IL1RAPL1: variants seen among roughly 807,000 people sequenced by gnomAD.
IL1RAPL1 encodes interleukin-1 receptor accessory protein-like 1.
Under a neutral mutation model 48.4 loss-of-function variants are expected in IL1RAPL1, and 3 were observed. That is an observed-to-expected ratio of 0.06 (90% CI 0.03 to 0.16). The LOEUF (loss-of-function observed/expected upper bound fraction) is 0.16. Ranked by LOEUF, IL1RAPL1 falls within the 10% of genes least tolerant of loss-of-function variation. The pLI is 1.00. For synonymous variants in IL1RAPL1, 185 were observed against 187.7 expected (o/e 0.99, Z 0.12); for missense variants, 349 against 530.6 (o/e 0.66, Z 3.36).
chrX:29,098,613 C>T (rs940745241), intron 2 of IL1RAPL1, among the ~76,000 whole-genome samples: 7 of 111,726 alleles, frequency 6.3e-5, no homozygotes, highest in Non-Finnish European at 1.3e-4. Context: ...TCAGCCTCTA[C>T]CCTAGGCCTT....
chrX:29,516,888 A>G (rs1935451827), intron 5 of IL1RAPL1, among the ~76,000 whole-genome samples: 1 of 111,729 alleles, frequency 9.0e-6, no homozygotes, highest in Non-Finnish European at 1.9e-5. Context: ...CAATTTACAT[A>G]GCCACAAGCA....
chrX:29,322,187 TTC>T (rs1158296895), intron 3 of IL1RAPL1, among the ~76,000 whole-genome samples: 1 of 110,371 alleles, frequency 9.1e-6, no homozygotes, highest in Non-Finnish European at 1.9e-5. Flanking sequence ...TCTCTTTTCT[TTC>T]TCTTTTTTTC....
intron 2 of IL1RAPL1, among the ~76,000 whole-genome samples, chrX:28,813,858 T>A (rs1936823446): frequency 9.0e-6 from 1 of 110,981 alleles, no homozygotes; most frequent in South Asian, 3.7e-4. Context: ...AAACTAAAAC[T>A]CCAGCTTGCC....
chrX:28,663,935 C>G (rs943834454), intron 1 of IL1RAPL1, among the ~76,000 whole-genome samples: 18 of 112,423 alleles, frequency 1.6e-4, no homozygotes, highest in African/African-American at 5.5e-4. Flanking sequence ...CAGTTTAGCA[C>G]TTCAAGTACA....
chrX:29,807,364 C>T (rs1930277987), intron 6 of IL1RAPL1, among the ~76,000 whole-genome samples: 1 of 109,203 alleles, frequency 9.2e-6, no homozygotes, highest in Admixed American at 9.9e-5. Flanking sequence ...CCTGTAATCC[C>T]AGCACTTTGG....
intron 2 of IL1RAPL1, among the ~76,000 whole-genome samples, chrX:28,911,320 C>T (rs993247012): frequency 2.7e-5 from 3 of 110,888 alleles, no homozygotes; most frequent in Non-Finnish European, 5.7e-5. Flanking sequence ...GTCTTCAGTA[C>T]GGTTAATGTT....
chrX:29,868,308 C>A (rs183689222), intron 6 of IL1RAPL1, among the ~76,000 whole-genome samples: 82 of 112,421 alleles, frequency 7.3e-4, no homozygotes, highest in African/African-American at 2.1e-3. Context: ...CTACTCTACC[C>A]AGTAATCATT....
chrX:29,752,664 A>T (rs1293517699), intron 6 of IL1RAPL1, among the ~76,000 whole-genome samples: 1 of 111,233 alleles, frequency 9.0e-6, no homozygotes, highest in Non-Finnish European at 1.9e-5. Context: ...TACTGAATCA[A>T]TGCTTTCCTG....
intron 2 of IL1RAPL1, among the ~76,000 whole-genome samples, chrX:28,907,466 G>A (rs1569197642): frequency 1.8e-5 from 2 of 111,525 alleles, no homozygotes; most frequent in Non-Finnish European, 3.8e-5. Context: ...TGTTGACCAG[G>A]GCTGTCTCAA....
At chrX:28,816,205 C>T (rs975531907) in intron 2 of IL1RAPL1, among the ~76,000 whole-genome samples, 3 of 108,984 alleles carry the variant, frequency 2.8e-5, no homozygotes, top group Non-Finnish European at 5.7e-5. Context: ...GCTATTCTAA[C>T]TGGTTTGAGA....
intron 6 of IL1RAPL1, among the ~76,000 whole-genome samples, chrX:29,686,528 C>G (rs1357742349): frequency 2.3e-5 from 2 of 88,652 alleles, no homozygotes; most frequent in East Asian, 3.5e-4. Flanking sequence ...CCCCCACCCC[C>G]CTAAAGATTT....
chrX:29,184,188 G>A (rs1008569728), intron 2 of IL1RAPL1, among the ~76,000 whole-genome samples: 5 of 110,841 alleles, frequency 4.5e-5, no homozygotes, highest in Non-Finnish European at 1.9e-5. Flanking sequence ...ACTTGTTTGC[G>A]TTTCCATTTC....
At chrX:29,110,403 T>C (rs1371510723) in intron 2 of IL1RAPL1, among the ~76,000 whole-genome samples, 1 of 112,206 alleles carries the variant, frequency 8.9e-6, no homozygotes, top group Non-Finnish European at 1.9e-5. Context: ...ATTCTATTTG[T>C]TTGTAATCCT....
chrX:29,424,993 T>C (rs1934333794), intron 5 of IL1RAPL1, among the ~76,000 whole-genome samples: 1 of 111,888 alleles, frequency 8.9e-6, no homozygotes, highest in Non-Finnish European at 1.9e-5. Context: ...ACAAAGAATC[T>C]GAATCCCTCA....
intron 1 of IL1RAPL1, among the ~76,000 whole-genome samples, chrX:28,786,268 C>T (rs969899636): frequency 9.0e-6 from 1 of 111,230 alleles, no homozygotes; most frequent in Non-Finnish European, 1.9e-5. Flanking sequence ...AGTTCGAGAC[C>T]AGCCTGCCCA....
At chrX:29,393,273 C>T (rs112343658) in intron 3 of IL1RAPL1, among the ~76,000 whole-genome samples, 10,460 of 111,327 alleles carry the variant, frequency 0.094, 387 homozygotes, top group South Asian at 0.17. Flanking sequence ...AGGCGCCCGC[C>T]ACCACGCCCG....
intron 6 of IL1RAPL1, among the ~76,000 whole-genome samples, chrX:29,839,054 T>C (rs1931077075): frequency 1.8e-5 from 2 of 112,512 alleles, no homozygotes; most frequent in African/African-American, 6.5e-5. Flanking sequence ...TGCAAGTCTC[T>C]GCTATTGTTC....
intron 2 of IL1RAPL1, among the ~76,000 whole-genome samples, chrX:29,266,420 C>T (rs1931957417): frequency 9.0e-6 from 1 of 111,604 alleles, no homozygotes; most frequent in Admixed American, 9.5e-5. Flanking sequence ...TATGACCTGA[C>T]AGGTTGAGGT....
intron 5 of IL1RAPL1, among the ~76,000 whole-genome samples, chrX:29,503,811 A>G (rs982659922): frequency 1.8e-5 from 2 of 110,206 alleles, no homozygotes; most frequent in African/African-American, 6.6e-5. Flanking sequence ...CAGCATGCCC[A>G]ACCAATTTTT....
Sources: gnomAD v4.1 joint callset for allele counts (sites outside exome capture counted in the v4.1 genomes callset) on GRCh38, gnomAD v4.1.1 for gene constraint, MANE v1.5 for transcripts, NCBI Gene and HGNC (gene_info 2026-07-23, HGNC 2026-07-21) for gene names.